The following QSOX2 variants were observed in gnomAD, a reference collection of about 807,000 sequenced individuals.
The protein encoded by QSOX2 is quiescin sulfhydryl oxidase 2, also known as sulfhydryl oxidase 2.
In QSOX2, 46 loss-of-function variants were observed where a neutral mutation model predicts 61.7. The observed-to-expected ratio is 0.75, with a 90% CI of 0.59 to 0.95. The LOEUF (loss-of-function observed/expected upper bound fraction) is 0.95. Among genes scored for constraint, QSOX2 ranks in the 40% least tolerant of loss-of-function variants. The pLI is 0.00. For missense variants in QSOX2, 879 were observed against 918.9 expected, an observed-to-expected ratio of 0.96 and a Z score of 0.56; for synonymous variants, 383 against 388.4, an observed-to-expected ratio of 0.99 and a Z score of 0.16.
chr9:136,240,165 C>T (rs777807081), intron 1 of QSOX2, among the ~76,000 whole-genome samples: 1 of 152,318 alleles, frequency 6.6e-6, no homozygotes, highest in African/African-American at 2.4e-5. Context: ...GAAATGAGAC[C>T]GCAGGCCTAT....
chr9:136,214,643 A>G (rs1307199355), intron 10 of QSOX2, among the ~76,000 whole-genome samples: 1 of 152,182 alleles, frequency 6.6e-6, no homozygotes, highest in Admixed American at 6.5e-5. Context: ...GTGACCCCCC[A>G]GGCCCAGCTG....
intron 3 of QSOX2, among the ~76,000 whole-genome samples, chr9:136,224,538 G>A (rs748766943): frequency 5.9e-5 from 9 of 152,224 alleles, no homozygotes; most frequent in Non-Finnish European, 1.3e-4. Context: ...CACTCTGGGC[G>A]ATGCTCGGCT....
In QSOX2 at chr9:136,209,724, C is replaced by T. The variant is rs72773785; in HGVS notation, c.1550-449G>A. On this transcript the variant is annotated intron_variant, in intron 11 of 11. Transcript: ENST00000358701. The surrounding 1 kb of genome is among the most constrained non-coding windows in gnomAD (Gnocchi z 5.6). ...CTGAGGCCCACTACCTACAGAGCCC[C>T]GGCCACCTGGGTGCTATGGACAGTG... The T allele has an allele frequency of 0.29, 285,621 of 984,776 alleles. 43,458 individuals carry two copies. Among genetic ancestry groups the T allele is most frequent in the Non-Finnish European group, 0.31 (258,560 of 829,668 alleles). 61.0% of individuals were successfully genotyped at this position (984,776 alleles called of 1,614,324 possible).
chr9:136,227,364 T>C (rs1235058959), intron 1 of QSOX2, among the ~76,000 whole-genome samples: 2 of 152,200 alleles, frequency 1.3e-5, no homozygotes, highest in Non-Finnish European at 2.9e-5. Context: ...CACAGACACA[T>C]GTGAAGTGGT....
intron 2 of QSOX2, 74 bp from the exon 3 acceptor site, chr9:136,224,983 C>T: frequency 9.2e-7 from 1 of 1,087,570 alleles, no homozygotes; most frequent in East Asian, 2.5e-5. Flanking sequence ...CAACAAAACG[C>T]CCGTCACCTT....
intron 11 of QSOX2, chr9:136,210,550 C>G: frequency 2.0e-6 from 2 of 985,394 alleles, no homozygotes; most frequent in Non-Finnish European, 2.4e-6. Flanking sequence ...CTGCGCTGAC[C>G]GAGGGAACAA....
At chr9:136,243,352 T>C (rs1032312024) in intron 1 of QSOX2, among the ~76,000 whole-genome samples, 8 of 152,208 alleles carry the variant, frequency 5.3e-5, no homozygotes, top group Non-Finnish European at 1.0e-4. Flanking sequence ...TTACCCTCTA[T>C]TCTCCCCAAG....
rs371129716 is a variant in QSOX2 at position 136,242,038 on chromosome 9, A to C, written c.328+3438T>G. Among the ~76,000 whole-genome samples the C allele has an allele frequency of 9.3e-4, 141 of 152,346 alleles. 1 individual carries two copies. In the East Asian group the frequency reaches 0.013, roughly 14 times the overall value. On this transcript the variant is annotated intron_variant, in intron 1 of 11. Coordinates refer to ENST00000358701, the MANE Select transcript of QSOX2 (RefSeq NM_181701.4). ...CCTCATCTTCCATCACAAACCCAGC[A>C]ACCATCACTGCCAGGCAGATCTTCA...
At chr9:136,233,661 C>A (rs567318433) in intron 1 of QSOX2, among the ~76,000 whole-genome samples, 1 of 152,144 alleles carries the variant, frequency 6.6e-6, no homozygotes, top group East Asian at 1.9e-4. Context: ...CACGAGAGGT[C>A]GTGGATGTGG....
Position 136,245,715 on chromosome 9 carries a change from G to C in QSOX2, c.89C>G (p.Ala30Gly). 1.7e-6 allele frequency: 2 copies of C among 1,143,178 alleles called. No homozygotes were observed. Among genetic ancestry groups the C allele is most frequent in the African/African-American group, 1.6e-5 (1 of 60,780 alleles). 70.8% of individuals were successfully genotyped at this position (1,143,178 alleles called of 1,614,324 possible). ...CACTAGCAGCCGCGGCAGCCGTGCG[G>C]CCCGCGGCGGGGGCGAGCGCCGGGC... is the stretch of plus-strand genomic sequence containing the variant. ...LRARRSPPPR[A>G]ARLPRLLVLL... The change falls in exon 1 of 12, where the codon GCC becomes GGC. Residue 30 changes from alanine to glycine, a missense_variant. Ala to Gly is a moderately conservative substitution (Grantham distance 60, BLOSUM62 0). Coordinates refer to ENST00000358701, the MANE Select transcript of QSOX2 (RefSeq NM_181701.4).
At chr9:136,212,607 C>T (rs563912009) in intron 10 of QSOX2, among the ~76,000 whole-genome samples, 1 of 152,348 alleles carries the variant, frequency 6.6e-6, no homozygotes, top group South Asian at 2.1e-4. Context: ...CAGATGGGAC[C>T]GCAGGCGCTG....
At chr9:136,229,062 T>C (rs1465244990) in intron 1 of QSOX2, among the ~76,000 whole-genome samples, 2 of 152,338 alleles carry the variant, frequency 1.3e-5, no homozygotes, top group East Asian at 1.9e-4. Context: ...CTGTTTCAGA[T>C]ACTGGCCTTT....
chr9:136,225,084 T>C (rs929386841), intron 2 of QSOX2, among the ~76,000 whole-genome samples, 175 bp from the exon 3 acceptor site: 2 of 152,256 alleles, frequency 1.3e-5, no homozygotes, highest in Admixed American at 6.5e-5. Flanking sequence ...TATTAATGTT[T>C]CCTGTCAGAT....
At chr9:136,241,640 T>TGAC (rs1830434225) in intron 1 of QSOX2, among the ~76,000 whole-genome samples, 1 of 152,196 alleles carries the variant, frequency 6.6e-6, no homozygotes, top group East Asian at 1.9e-4. Context: ...CTCAGCTGCG[T>TGAC]GACCGTGACT....
intron 9 of QSOX2, 105 bp from the exon 10 acceptor site, chr9:136,215,409 G>C: frequency 1.3e-5 from 9 of 688,358 alleles, no homozygotes; most frequent in East Asian, 5.4e-5. Flanking sequence ...GATAATGGGG[G>C]TGTGGTTTAC....
chr9:136,209,101 T>C lies in QSOX2; in HGVS notation c.1724A>G (p.Gln575Arg), dbSNP rs1025997751. 1 of 1,614,150 alleles carries C rather than the reference T, an allele frequency of 6.2e-7. No homozygotes were observed. ...DNLLDTYSAD[Q>R]GDSSEGGTLA... The stretch of plus-strand genomic sequence containing the variant: ...GGTTCCTCCTTCACTGGAATCCCCC[T>C]GGTCTGCGGAATACGTGTCTAAGAG... Residue 575 changes from glutamine (Q) to arginine (R), a missense_variant, in exon 12 of 12, where the codon CAG (glutamine) becomes CGG (arginine). By Grantham distance (43) the Gln-to-Arg change is conservative. Coordinates refer to ENST00000358701, the MANE Select transcript of QSOX2 (RefSeq NM_181701.4). The surrounding 1 kb of genome is among the most constrained non-coding windows in gnomAD (Gnocchi z 5.6).
At chr9:136,224,694 C>G (rs1413312240) in intron 3 of QSOX2, among the ~76,000 whole-genome samples, 167 bp downstream of exon 3, 1 of 152,206 alleles carries the variant, frequency 6.6e-6, no homozygotes, top group Non-Finnish European at 1.5e-5. Flanking sequence ...TAAAATTTCT[C>G]TTTGAAACTA....
Position 136,209,956 on chromosome 9 carries a change from G to C in QSOX2, c.1550-681C>G. 2 of 985,422 alleles carry C rather than the reference G, an allele frequency of 2.0e-6. No homozygotes were observed. Among genetic ancestry groups the C allele is most frequent in the Non-Finnish European group, 2.4e-6 (2 of 829,924 alleles). The allele number at this position is 985,422 out of a possible 1,614,324, so 61.0% of individuals were successfully genotyped here. On this transcript the variant is annotated intron_variant, in intron 11 of 11. Coordinates refer to ENST00000358701, the MANE Select transcript of QSOX2 (RefSeq NM_181701.4). This position sits in a 1 kb window ranked among gnomAD's most constrained non-coding sequence, Gnocchi z 5.6. ...GCGCCTCCTAGCTCTCGGAGCCCCTGCGACCCGACTTGCTGACACCTGGCC... is the reference window on the plus strand; with the variant it reads ...GCGCCTCCTAGCTCTCGGAGCCCCTCCGACCCGACTTGCTGACACCTGGCC...
chr9:136,229,021 T>C (rs1012164571), intron 1 of QSOX2, among the ~76,000 whole-genome samples: 8 of 152,192 alleles, frequency 5.3e-5, no homozygotes, highest in Admixed American at 1.3e-4. Context: ...GCGGTTCAGA[T>C]TGCTATTTTT....
Sources: gnomAD v4.1 joint callset for allele counts (sites outside exome capture counted in the v4.1 genomes callset) on GRCh38, gnomAD v4.1.1 for gene constraint, Gnocchi (gnomAD v3.1) non-coding constraint, MANE v1.5 for transcripts, NCBI Gene and HGNC (gene_info 2026-07-23, HGNC 2026-07-21) for gene names.